The following SCAPER variants were observed in gnomAD, a reference collection of about 807,000 sequenced individuals.
The protein encoded by SCAPER is S phase cyclin A-associated protein in the endoplasmic reticulum.
SCAPER carries 98 observed loss-of-function variants against 182.2 expected under a neutral mutation model. The observed-to-expected ratio is 0.54, with a 90% confidence interval of 0.46 to 0.64. The LOEUF (loss-of-function observed/expected upper bound fraction) is 0.64. Ranked by LOEUF, SCAPER falls within the 30% of genes least tolerant of loss-of-function variation. The probability of loss-of-function intolerance (pLI) is 0.00; values close to 1 mark genes in which losing one functional copy is unlikely to be tolerated. For synonymous variants in SCAPER, 605 were observed against 564.6 expected (o/e 1.07, Z -1.01); for missense variants, 1,432 against 1,690.0 (o/e 0.85, Z 2.68).
chr15:76,397,924 C>G (rs139170806), intron 27 of SCAPER, among the ~76,000 whole-genome samples: 4 of 152,098 alleles, frequency 2.6e-5, no homozygotes, highest in Non-Finnish European at 5.9e-5. Context: ...ACGCTATTGC[C>G]GTTACCACAT....
At chr15:76,486,761 G>T (rs1042806633) in intron 24 of SCAPER, among the ~76,000 whole-genome samples, 1 of 152,146 alleles carries the variant, frequency 6.6e-6, no homozygotes, top group Non-Finnish European at 1.5e-5. Flanking sequence ...AATTAGTTCA[G>T]CCATTGTGAA....
At chr15:76,510,166 A>G (rs535961902) in intron 23 of SCAPER, among the ~76,000 whole-genome samples, 2 of 152,332 alleles carry the variant, frequency 1.3e-5, no homozygotes, top group East Asian at 3.9e-4. Flanking sequence ...ATTGACTTAG[A>G]CAAGGATTTC....
intron 24 of SCAPER, among the ~76,000 whole-genome samples, chr15:76,484,763 T>C (rs1200672761): frequency 6.6e-6 from 1 of 152,084 alleles, no homozygotes. Flanking sequence ...CGTAAGCATA[T>C]CAATAAATGT....
At chr15:76,417,901 C>T in intron 26 of SCAPER, among the ~76,000 whole-genome samples, 1 of 152,064 alleles carries the variant, frequency 6.6e-6, no homozygotes, top group East Asian at 1.9e-4. Context: ...GCCTATAGTC[C>T]CAGCTACTTG....
intron 7 of SCAPER, among the ~76,000 whole-genome samples, chr15:76,799,273 T>C (rs971650758): frequency 6.7e-6 from 1 of 149,284 alleles, no homozygotes; most frequent in Non-Finnish European, 1.5e-5. Flanking sequence ...AAAGCTAAAC[T>C]ATAATCTCCT....
intron 21 of SCAPER, among the ~76,000 whole-genome samples, chr15:76,651,324 C>T (rs1292835519): frequency 6.6e-6 from 1 of 151,976 alleles, no homozygotes; most frequent in Non-Finnish European, 1.5e-5. Context: ...AAAAAGCATA[C>T]AGGAATTAAA....
chr15:76,472,554 CG>C (rs1301847792), intron 24 of SCAPER, among the ~76,000 whole-genome samples: 2 of 152,082 alleles, frequency 1.3e-5, no homozygotes, highest in African/African-American at 4.8e-5. Context: ...TTAGTAGAGA[CG>C]GGGTTTCAAC....
chr15:76,606,380 G>GA (rs2050399371), intron 22 of SCAPER, among the ~76,000 whole-genome samples: 1 of 152,202 alleles, frequency 6.6e-6, no homozygotes, highest in Non-Finnish European at 1.5e-5. Context: ...ACTGTGGCCT[G>GA]AGAGTTTGTT....
chr15:76,871,408 CAA>C (rs1220368116), intron 2 of SCAPER, among the ~76,000 whole-genome samples: 14 of 67,924 alleles, frequency 2.1e-4, no homozygotes, highest in Admixed American at 1.6e-3. Context: ...GACTCCATCT[CAA>C]AAAAAAAAAA....
At chr15:76,701,650 A>T in intron 20 of SCAPER, 108 bp downstream of exon 20, 1 of 804,544 alleles carries the variant, frequency 1.2e-6, no homozygotes, top group Non-Finnish European at 2.0e-6. Flanking sequence ...TGCTAAATAT[A>T]GTTTTAAATA....
intron 22 of SCAPER, among the ~76,000 whole-genome samples, chr15:76,585,502 A>G (rs957726016): frequency 2.0e-5 from 3 of 152,156 alleles, no homozygotes; most frequent in African/African-American, 7.2e-5. Flanking sequence ...TCTGCATACC[A>G]TGTAACTAAA....
At chr15:76,858,938 A>G (rs569309098) in intron 3 of SCAPER, among the ~76,000 whole-genome samples, 1 of 152,308 alleles carries the variant, frequency 6.6e-6, no homozygotes. Context: ...GAACATACAC[A>G]TACATGTATC....
At chr15:76,475,339 T>A (rs1265450871) in intron 24 of SCAPER, among the ~76,000 whole-genome samples, 1 of 151,984 alleles carries the variant, frequency 6.6e-6, no homozygotes, top group African/African-American at 2.4e-5. Flanking sequence ...TTTAATTTTT[T>A]TTTTTAAGGT....
chr15:76,513,103 T>C (rs367908026), intron 23 of SCAPER, among the ~76,000 whole-genome samples: 12 of 152,286 alleles, frequency 7.9e-5, no homozygotes, highest in East Asian at 5.8e-4. Flanking sequence ...CCGTACCTCA[T>C]GGCCCCATTC....
At chr15:76,779,238 A>G (rs1468342309) in intron 8 of SCAPER, among the ~76,000 whole-genome samples, 1 of 152,148 alleles carries the variant, frequency 6.6e-6, no homozygotes, top group Non-Finnish European at 1.5e-5. Flanking sequence ...AACAGTGAAA[A>G]AAAATTTCAA....
intron 23 of SCAPER, among the ~76,000 whole-genome samples, chr15:76,554,270 G>A (rs545105094): frequency 2.0e-5 from 3 of 152,246 alleles, no homozygotes; most frequent in African/African-American, 7.2e-5. Flanking sequence ...ATAACTCAGT[G>A]AGACAAAAAT....
chr15:76,453,980 C>T (rs1191695608), intron 25 of SCAPER, among the ~76,000 whole-genome samples: 2 of 152,116 alleles, frequency 1.3e-5, no homozygotes, highest in Non-Finnish European at 2.9e-5. Context: ...TACATTCTTT[C>T]CTCATATTTG....
At chr15:76,463,558 C>A (rs1247273513) in intron 25 of SCAPER, among the ~76,000 whole-genome samples, 1 of 152,096 alleles carries the variant, frequency 6.6e-6, no homozygotes, top group Non-Finnish European at 1.5e-5. Flanking sequence ...CCCAAAAATA[C>A]ATACACACAA....
At chr15:76,507,751 C>T (rs2041713852) in intron 23 of SCAPER, among the ~76,000 whole-genome samples, 1 of 152,028 alleles carries the variant, frequency 6.6e-6, no homozygotes, top group East Asian at 1.9e-4. Flanking sequence ...ACGACTCATA[C>T]ACTTAAGATT....
Sources: allele counts gnomAD v4.1 joint callset (sites outside exome capture counted in the v4.1 genomes callset), GRCh38; gene constraint gnomAD v4.1.1; transcripts MANE v1.5; gene names NCBI Gene and HGNC (gene_info 2026-07-23, HGNC 2026-07-21).